LHX6: variants seen among roughly 807,000 people sequenced by gnomAD.
LHX6 encodes LIM homeobox 6.
In LHX6, 15 loss-of-function variants were observed where a neutral mutation model predicts 47.1. The observed-to-expected ratio is 0.32, with a 90% confidence interval of 0.21 to 0.49. The LOEUF is 0.49. Among genes scored for constraint, LHX6 ranks in the 20% least tolerant of loss-of-function variants. The probability of loss-of-function intolerance (pLI) is 0.99; values close to 1 mark genes in which losing one functional copy is unlikely to be tolerated. For missense variants in LHX6, 404 were observed against 539.6 expected, an observed-to-expected ratio of 0.75 and a Z score of 2.49; for synonymous variants, 242 against 233.5, an observed-to-expected ratio of 1.04 and a Z score of -0.33.
In LHX6 at chr9:122,207,759, G is replaced by C. The variant is rs185818504; in HGVS notation, c.1158+1855C>G. 2.0e-3 allele frequency among the ~76,000 whole-genome samples: 300 copies of C among 152,226 alleles called. 2 individuals carry two copies. The highest frequency in any genetic ancestry group is 6.8e-3 in the African/African-American group (284 of 41,518). Reference sequence around the variant, plus strand: ...GTGTACTGAGCTCAATCAGGAGGCTGAGCCAGAGGTACCATCCTAAAGGAG... The same window carrying C: ...GTGTACTGAGCTCAATCAGGAGGCTCAGCCAGAGGTACCATCCTAAAGGAG... On this transcript the variant is annotated intron_variant, in intron 9 of 9. Transcript: ENST00000394319.
rs1047166908 is a variant in LHX6 at position 122,214,893 on chromosome 9, T to A, written c.683-510A>T. ...TTGGCAGTGGTTTACTTCCCAGGAATGTGATTATGGAAACTTTTTACTTTC... is the reference window on the plus strand; with the variant it reads ...TTGGCAGTGGTTTACTTCCCAGGAAAGTGATTATGGAAACTTTTTACTTTC... On this transcript the variant is annotated intron_variant, in intron 5 of 9. Transcript: ENST00000394319. The surrounding 1 kb of genome is among the most constrained non-coding windows in gnomAD (Gnocchi z 4.6). 1.3e-5 allele frequency among the ~76,000 whole-genome samples: 2 copies of A among 152,244 alleles called. No individual in the cohort carries two copies. Among genetic ancestry groups the A allele is most frequent in the East Asian group, 3.8e-4 (2 of 5,202 alleles).
intron 9 of LHX6, 131 bp from the exon 10 acceptor site, chr9:122,204,911 G>T: frequency 1.8e-6 from 1 of 541,810 alleles, no homozygotes; most frequent in Non-Finnish European, 3.1e-6. Flanking sequence ...TCCTGGCTCT[G>T]TCAACTGACT....
rs1564438110 is a variant in LHX6, at chr9:122,214,946, A to G, written c.683-563T>C. ...TATTCCTGTAACTTTTGAGGTATTT[A>G]AAAACAATCATATGTTGCCTTACTT... On this transcript the variant is annotated intron_variant, in intron 5 of 9. Coordinates refer to ENST00000394319, the MANE Select transcript of LHX6 (RefSeq NM_014368.5). The surrounding 1 kb of genome is among the most constrained non-coding windows in gnomAD (Gnocchi z 4.6). 6.6e-6 allele frequency among the ~76,000 whole-genome samples: 1 copy of G among 152,256 alleles called. No homozygotes were observed.
chr9:122,221,351 C>A, intron 4 of LHX6: 1 of 985,654 alleles, frequency 1.0e-6, no homozygotes, highest in Non-Finnish European at 1.2e-6. Flanking sequence ...CAGCTGGCCG[C>A]CGCTGGGCCG....
At chr9:122,218,361 A>G (rs1830678006) in intron 4 of LHX6, among the ~76,000 whole-genome samples, 1 of 152,146 alleles carries the variant, frequency 6.6e-6, no homozygotes. Flanking sequence ...CCAGCCCCTG[A>G]AGCTTGAAAA....
At position 122,226,524 on chromosome 9, in the gene LHX6, G is replaced by T; in HGVS notation, c.340-27C>A. ...TGGGGACGGGGCGGGGACGGAGGTCGGCTCAGCGCGGGCCTCTTTCACTCC... is the reference window on the plus strand; with the variant it reads ...TGGGGACGGGGCGGGGACGGAGGTCTGCTCAGCGCGGGCCTCTTTCACTCC... On this transcript the variant is annotated intron_variant, in intron 3 of 9. Transcript: ENST00000394319. This position sits in a 1 kb window ranked among gnomAD's most constrained non-coding sequence, Gnocchi z 6.5. 1 of 1,608,102 alleles carries T rather than the reference G, an allele frequency of 6.2e-7. No individual in the cohort carries two copies.
rs879253178 is a variant in LHX6, at chr9:122,203,244, G to C, written c.*1516C>G. On this transcript the variant is annotated 3_prime_UTR_variant, in exon 10 of 10. Transcript: ENST00000394319. Reference sequence around the variant, plus strand: ...ATAGGCTTTCATGTTAAGTGCCAACGTCAAGCATTTGAACTCTGAAACCTT... The same window carrying C: ...ATAGGCTTTCATGTTAAGTGCCAACCTCAAGCATTTGAACTCTGAAACCTT... 1.3e-5 allele frequency: 2 copies of C among 152,614 alleles called. No homozygotes were observed. The highest frequency in any genetic ancestry group is 2.9e-5 in the Non-Finnish European group (2 of 68,030). 9.5% of individuals were successfully genotyped at this position (152,614 alleles called of 1,614,324 possible).
At chr9:122,208,921 T>G (rs1396708690) in intron 9 of LHX6, among the ~76,000 whole-genome samples, 1 of 150,610 alleles carries the variant, frequency 6.6e-6, no homozygotes, top group Non-Finnish European at 1.5e-5. Context: ...ATTTCTAAAA[T>G]GAAGGGTTGT....
chr9:122,215,549 G>A (rs1830564184), intron 5 of LHX6, among the ~76,000 whole-genome samples: 1 of 152,196 alleles, frequency 6.6e-6, no homozygotes, highest in Non-Finnish European at 1.5e-5. Flanking sequence ...AGGTGGTCCT[G>A]GTTGGACCAT....
At chr9:122,228,566 G>C in intron 1 of LHX6, 91 bp downstream of exon 1, 1 of 1,305,874 alleles carries the variant, frequency 7.7e-7, no homozygotes, top group East Asian at 3.3e-5. Context: ...CCTCCTTCCT[G>C]CAACCGCCCG....
chr9:122,218,793 C>T (rs370997886), intron 4 of LHX6, among the ~76,000 whole-genome samples: 2 of 152,246 alleles, frequency 1.3e-5, no homozygotes, highest in African/African-American at 4.8e-5. Context: ...TCCCAGTCAG[C>T]CACAATGGAA....
chr9:122,221,228 A>T, intron 4 of LHX6: 1 of 984,934 alleles, frequency 1.0e-6, no homozygotes, highest in Non-Finnish European at 1.2e-6. Flanking sequence ...CAGAGGGGGA[A>T]AAAAAACCCA....
At chr9:122,227,180 G>T in intron 2 of LHX6, 150 bp from the exon 3 acceptor site, 1 of 813,648 alleles carries the variant, frequency 1.2e-6, no homozygotes, top group Non-Finnish European at 1.8e-6. Context: ...GGATGGAAGG[G>T]CCTATTGGAG....
Position 122,213,824 on chromosome 9 carries a change from C to A in LHX6, c.880-44G>T, listed in dbSNP as rs1830481929. On this transcript the variant is annotated intron_variant, in intron 7 of 9. Transcript: ENST00000394319. The surrounding 1 kb of genome is among the most constrained non-coding windows in gnomAD (Gnocchi z 5.5). ...CAGCCTCAGCCTCGAGGAAAAGAGT[C>A]GGACGCGCCGCCGGGAGACCCCAGG... 4 of 1,550,402 alleles carry A rather than the reference C, an allele frequency of 2.6e-6. No individual in the cohort carries two copies. In the African/African-American group the frequency reaches 5.4e-5, roughly 21 times the overall value.
At chr9:122,224,175 G>T (rs914339791) in intron 4 of LHX6, among the ~76,000 whole-genome samples, 1 of 152,042 alleles carries the variant, frequency 6.6e-6, no homozygotes, top group African/African-American at 2.4e-5. Flanking sequence ...CTACAGGCAC[G>T]TGCCACCACA....
rs1831100366 is a variant in LHX6, at chr9:122,226,417, G to A, written c.420C>T (p.Tyr140=). The A allele has an allele frequency of 1.2e-6, 2 of 1,613,688 alleles. No homozygotes were observed. Among genetic ancestry groups the A allele is most frequent in the South Asian group, 1.1e-5 (1 of 91,080 alleles). The change falls in exon 4 of 10, where the codon TAC becomes TAT. Residue 140 remains tyrosine, a synonymous_variant. Coordinates refer to ENST00000394319, the MANE Select transcript of LHX6 (RefSeq NM_014368.5). This position sits in a 1 kb window ranked among gnomAD's most constrained non-coding sequence, Gnocchi z 6.5. The stretch of plus-strand genomic sequence containing the variant: ...TGCAGAAGATCTCCTTGTTCTTGAT[G>A]TAGCAGCTGTTCTGCTGCCTCAGCG... ...RTSLRQQNSC[Y]IKNKEIFCKM...
intron 4 of LHX6, among the ~76,000 whole-genome samples, chr9:122,223,322 T>A (rs578164757): frequency 6.6e-6 from 1 of 152,250 alleles, no homozygotes; most frequent in East Asian, 1.9e-4. Flanking sequence ...TCAGGGCTCT[T>A]GTCATTGGAA....
chr9:122,212,319 G>C (rs760951620), intron 8 of LHX6, among the ~76,000 whole-genome samples: 21 of 152,106 alleles, frequency 1.4e-4, no homozygotes, highest in Admixed American at 1.2e-3. Context: ...AAGGCATACC[G>C]GCTCCCACTA....
chr9:122,227,240 C>T, intron 2 of LHX6, 169 bp downstream of exon 2: 3 of 815,684 alleles, frequency 3.7e-6, no homozygotes, highest in East Asian at 6.2e-5. Flanking sequence ...GTGCTGGGAG[C>T]GGTTAAAGCC....
Sources: gnomAD v4.1 joint callset for allele counts (sites outside exome capture counted in the v4.1 genomes callset) on GRCh38, gnomAD v4.1.1 for gene constraint, Gnocchi (gnomAD v3.1) non-coding constraint, MANE v1.5 for transcripts, NCBI Gene and HGNC (gene_info 2026-07-23, HGNC 2026-07-21) for gene names.